The following UQCC1 variants were observed in gnomAD, a reference collection of about 807,000 sequenced individuals.
UQCC1 encodes the protein bFGF-repressed Zic-binding protein.
A neutral mutation model predicts 48.0 loss-of-function variants in UQCC1; 38 were observed. The observed-to-expected ratio is 0.79, with a 90% CI of 0.61 to 1.04. UQCC1 has a LOEUF of 1.04. UQCC1 is among the 50% of genes least tolerant of loss of function. The probability of loss-of-function intolerance (pLI) is 0.00; values close to 1 mark genes in which losing one functional copy is unlikely to be tolerated. For missense variants in UQCC1, 368 were observed against 381.8 expected (o/e 0.96, Z 0.30); for synonymous variants, 111 against 129.2 (o/e 0.86, Z 0.95).
At chr20:35,377,010 G>A (rs947774284) in intron 4 of UQCC1, among the ~76,000 whole-genome samples, 4 of 150,112 alleles carry the variant, frequency 2.7e-5, no homozygotes, top group African/African-American at 4.9e-5. Flanking sequence ...GAAATGTTAC[G>A]AAATCTACAC....
At chr20:35,304,179 AG>A in intron 9 of UQCC1, 110 bp from the exon 10 acceptor site, 1 of 1,445,210 alleles carries the variant, frequency 6.9e-7, no homozygotes, top group Non-Finnish European at 9.5e-7. Context: ...ACGGGGCATG[AG>A]GGGGGCTTCT....
intron 5 of UQCC1, among the ~76,000 whole-genome samples, chr20:35,373,112 C>T (rs1436892951): frequency 6.6e-6 from 1 of 152,136 alleles, no homozygotes; most frequent in Middle Eastern, 3.2e-3. Context: ...ATTACAAGTA[C>T]CTGCTTTAAT....
Position 35,402,785 on chromosome 20 carries a change from C to G in UQCC1, c.25-8589G>C, listed in dbSNP as rs185409657. On this transcript the variant is annotated intron_variant, in intron 1 of 9. Transcript: ENST00000374385. ...TCCAGCCTGGGTGACAGAGTGAGAC[C>G]CCATCTCAAACAATAACAAAAAATT... Among the ~76,000 whole-genome samples the G allele has an allele frequency of 6.8e-3, 1,028 of 150,348 alleles. 16 individuals carry two copies. Among genetic ancestry groups the G allele is most frequent in the African/African-American group, 0.024 (982 of 40,894 alleles).
rs192019149 is a variant in UQCC1 at position 35,361,352 on chromosome 20, T to C, written c.464+5205A>G. ...CCTCTTCAGTGAAGCCTTCCCTGAC[T>C]GACCCACCCCTAAACTAAATGAGGT... On this transcript the variant is annotated intron_variant, in intron 6 of 9. Transcript: ENST00000374385. Among the ~76,000 whole-genome samples, 289 of 152,156 alleles carry C rather than the reference T, an allele frequency of 1.9e-3. 3 individuals are homozygous for C. Among genetic ancestry groups the C allele is most frequent in the Non-Finnish European group, 9.3e-4 (63 of 68,006 alleles).
In UQCC1 at chr20:35,303,520, C is replaced by T. The variant is rs886680724; in HGVS notation, c.*415G>A. The T allele has an allele frequency of 5.7e-6, 1 of 175,486 alleles. No homozygotes were observed. The highest frequency in any genetic ancestry group is 1.4e-4 in the East Asian group (1 of 7,098). The allele number at this position is 175,486 out of a possible 1,614,324, so 10.9% of individuals were successfully genotyped here. A position where few individuals can be genotyped will look rare whatever the true frequency, so the allele number is the denominator to read the frequency against. Reference sequence around the variant, plus strand: ...CATGGCTGAAAGCCGAGGGACAACGCGTGGTCACCGACCGGACTCGGCAGC... The same window carrying T: ...CATGGCTGAAAGCCGAGGGACAACGTGTGGTCACCGACCGGACTCGGCAGC... On this transcript the variant is annotated 3_prime_UTR_variant, in exon 10 of 10. Coordinates refer to ENST00000374385, the MANE Select transcript of UQCC1 (RefSeq NM_018244.5).
chr20:35,377,870 G>C (rs2061820634), intron 4 of UQCC1, among the ~76,000 whole-genome samples: 1 of 152,190 alleles, frequency 6.6e-6, no homozygotes, highest in Non-Finnish European at 1.5e-5. Context: ...AGATTGGCCA[G>C]AGTATGTTTT....
chr20:35,389,494 C>T (rs1192128876), intron 2 of UQCC1, among the ~76,000 whole-genome samples: 1 of 150,902 alleles, frequency 6.6e-6, no homozygotes, highest in East Asian at 2.0e-4. Flanking sequence ...ACCCGGGAGG[C>T]GGAGGTTGCA....
rs756156755 is a variant in UQCC1 at position 35,303,545 on chromosome 20, C to A, written c.*390G>T. On this transcript the variant is annotated 3_prime_UTR_variant, in exon 10 of 10. Coordinates refer to ENST00000374385, the MANE Select transcript of UQCC1 (RefSeq NM_018244.5). Reference sequence around the variant, plus strand: ...CGTGGTCACCGACCGGACTCGGCAGCATTACAATCTGCTCCTAGGCCACAG... The same window carrying A: ...CGTGGTCACCGACCGGACTCGGCAGAATTACAATCTGCTCCTAGGCCACAG... 5.4e-6 allele frequency: 1 copy of A among 184,660 alleles called. No homozygotes were observed. Among genetic ancestry groups the A allele is most frequent in the Non-Finnish European group, 1.2e-5 (1 of 86,812 alleles). 11.4% of individuals were successfully genotyped at this position (184,660 alleles called of 1,614,324 possible). A position where few individuals can be genotyped will look rare whatever the true frequency, so the allele number is the denominator to read the frequency against.
chr20:35,382,392 C>T (rs2061882317), intron 3 of UQCC1, among the ~76,000 whole-genome samples: 1 of 152,136 alleles, frequency 6.6e-6, no homozygotes, highest in Admixed American at 6.5e-5. Flanking sequence ...CTTCCTGCTT[C>T]AGCCTCCCCA....
intron 9 of UQCC1, chr20:35,304,717 A>G (rs1186933333): frequency 6.6e-6 from 1 of 152,340 alleles, no homozygotes; most frequent in African/African-American, 2.4e-5. Flanking sequence ...AGGGGCAGAC[A>G]GCTCTGCCAT....
chr20:35,381,570 G>A (rs564139118), intron 4 of UQCC1, among the ~76,000 whole-genome samples: 1 of 152,208 alleles, frequency 6.6e-6, no homozygotes, highest in South Asian at 2.1e-4. Context: ...TATGGACCTT[G>A]AGAGCTTACT....
Position 35,304,019 on chromosome 20 carries a change from C to T in UQCC1, c.816G>A (p.Glu272=), listed in dbSNP as rs1026679125. The part of the protein sequence containing the change: ...MNGEDLLLTG[E]VSWRPLVEKN... The stretch of plus-strand genomic sequence containing the variant: ...TCTCCACTAGAGGGCGCCAGCTCAC[C>T]TCCCCTGTCAGAAGCAGATCCTCCC... The change falls in exon 10 of 10, where the codon GAG becomes GAA. Residue 272 remains glutamate (E), a synonymous_variant. Coordinates refer to ENST00000374385, the MANE Select transcript of UQCC1 (RefSeq NM_018244.5). 5.6e-6 allele frequency: 9 copies of T among 1,614,064 alleles called. No individual in the cohort carries two copies. Among genetic ancestry groups the T allele is most frequent in the African/African-American group, 4.0e-5 (3 of 74,924 alleles).
chr20:35,312,370 G>A (rs1184204073), intron 8 of UQCC1, among the ~76,000 whole-genome samples: 1 of 152,110 alleles, frequency 6.6e-6, no homozygotes, highest in African/African-American at 2.4e-5. Flanking sequence ...CAAAAGTTAA[G>A]AAACTGAACT....
intron 2 of UQCC1, among the ~76,000 whole-genome samples, chr20:35,390,056 AAT>A (rs1257389371): frequency 1.3e-5 from 2 of 152,204 alleles, no homozygotes; most frequent in Non-Finnish European, 2.9e-5. Flanking sequence ...TGCTAAGTGA[AAT>A]AAGCATGTGC....
chr20:35,322,992 C>T (rs954690104), intron 7 of UQCC1, among the ~76,000 whole-genome samples: 1 of 152,016 alleles, frequency 6.6e-6, no homozygotes, highest in Non-Finnish European at 1.5e-5. Context: ...GGACTACAGG[C>T]GCCTACCACC....
intron 7 of UQCC1, chr20:35,346,168 C>G (rs566138422): frequency 6.6e-6 from 1 of 152,186 alleles, no homozygotes; most frequent in East Asian, 1.9e-4. Context: ...AAAAACGCAC[C>G]AATCAGCACT....
chr20:35,325,874 CACAA>C (rs1011100969), intron 7 of UQCC1, among the ~76,000 whole-genome samples: 2 of 150,706 alleles, frequency 1.3e-5, no homozygotes, highest in Admixed American at 1.3e-4. Context: ...AAAAAACACA[CACAA>C]AAAAAACAAA....
At chr20:35,356,540 G>C (rs2061549136) in intron 6 of UQCC1, among the ~76,000 whole-genome samples, 1 of 152,050 alleles carries the variant, frequency 6.6e-6, no homozygotes, top group Non-Finnish European at 1.5e-5. Context: ...TGATTTGGAT[G>C]CATTATTTTT....
Position 35,303,236 on chromosome 20 carries a change from T to C in UQCC1, c.*699A>G, listed in dbSNP as rs1490310042. ...CAAATGACTTAGGATGTGAAAGCCC[T>C]TGGTCATCAGAGGCCTCCTGGGTCC... On this transcript the variant is annotated 3_prime_UTR_variant, in exon 10 of 10. Coordinates refer to ENST00000374385, the MANE Select transcript of UQCC1 (RefSeq NM_018244.5). 6.6e-6 allele frequency: 1 copy of C among 152,250 alleles called. No individual in the cohort carries two copies. Among genetic ancestry groups the C allele is most frequent in the African/African-American group, 2.4e-5 (1 of 41,446 alleles). 9.4% of individuals were successfully genotyped at this position (152,250 alleles called of 1,614,324 possible). A position where few individuals can be genotyped will look rare whatever the true frequency, so the allele number is the denominator to read the frequency against.
Sources: gnomAD v4.1 joint callset for allele counts (sites outside exome capture counted in the v4.1 genomes callset) on GRCh38, gnomAD v4.1.1 for gene constraint, MANE v1.5 for transcripts, NCBI Gene and HGNC (gene_info 2026-07-23, HGNC 2026-07-21) for gene names.